Variants in NOL4L observed in about 807,000 individuals in gnomAD.
NOL4L encodes the protein nucleolar protein 4-like.
Under a neutral mutation model 64.5 loss-of-function variants are expected in NOL4L, and 7 were observed. The ratio of observed to expected loss-of-function variants is 0.11; its 90% CI spans 0.06 to 0.20. The LOEUF (loss-of-function observed/expected upper bound fraction) is 0.20. Among genes scored for constraint, NOL4L ranks in the 10% least tolerant of loss-of-function variants. The pLI is 1.00. For synonymous variants in NOL4L, 413 were observed against 401.0 expected, an observed-to-expected ratio of 1.03 and a Z score of -0.36; for missense variants, 680 against 967.1, an observed-to-expected ratio of 0.70 and a Z score of 3.94.
intron 5 of NOL4L, among the ~76,000 whole-genome samples, chr20:32,473,554 G>A (rs1248151207): frequency 6.6e-6 from 1 of 152,156 alleles, no homozygotes; most frequent in African/African-American, 2.4e-5. Context: ...ACCTCCAGCT[G>A]CCTCCAGACT....
intron 4 of NOL4L, among the ~76,000 whole-genome samples, chr20:32,478,546 G>A (rs890914620): frequency 3.9e-5 from 6 of 152,072 alleles, no homozygotes; most frequent in African/African-American, 1.4e-4. Flanking sequence ...CAGCCTCCAG[G>A]GTTCTGCCAT....
chr20:32,486,456 T>C (rs2016089165), intron 4 of NOL4L, among the ~76,000 whole-genome samples: 1 of 152,160 alleles, frequency 6.6e-6, no homozygotes, highest in Admixed American at 6.5e-5. Flanking sequence ...TGTAAACAGA[T>C]GATTAGGGTA....
intron 1 of NOL4L, among the ~76,000 whole-genome samples, chr20:32,540,142 C>T (rs777353414): frequency 5.9e-5 from 9 of 152,328 alleles, no homozygotes; most frequent in Admixed American, 2.6e-4. Context: ...CTGACCCCTT[C>T]GCCTCTGCAC....
chr20:32,488,951 TTTG>T (rs2016336264), intron 4 of NOL4L, among the ~76,000 whole-genome samples: 1 of 144,102 alleles, frequency 6.9e-6, no homozygotes, highest in Non-Finnish European at 1.5e-5. Flanking sequence ...CATTTCTCTA[TTTG>T]AATTGTTGGT....
At chr20:32,543,785 G>A (rs1365832586) in intron 1 of NOL4L, among the ~76,000 whole-genome samples, 1 of 151,668 alleles carries the variant, frequency 6.6e-6, no homozygotes, top group Non-Finnish European at 1.5e-5. Context: ...GGGAGACCTT[G>A]TCTCAGAAAA....
intron 4 of NOL4L, among the ~76,000 whole-genome samples, chr20:32,482,989 GCC>G (rs1319074822): frequency 6.6e-6 from 1 of 150,908 alleles, no homozygotes; most frequent in African/African-American, 2.4e-5. Context: ...CACAATCACC[GCC>G]CCCCAGGACC....
rs192254980 is a variant in NOL4L at position 32,514,656 on chromosome 20, C to T, written c.590-3200G>A. The stretch of plus-strand genomic sequence containing the variant: ...AAATGGGTTTCCACCCCACCGTCAA[C>T]CTAGATTTGACTTTCTTAACCTCAG... On this transcript the variant is annotated intron_variant, in intron 3 of 10. Coordinates refer to ENST00000621426, the MANE Select transcript of NOL4L (RefSeq NM_001256798.2). 2.7e-4 allele frequency among the ~76,000 whole-genome samples: 41 copies of T among 152,174 alleles called. No individual in the cohort carries two copies. In the East Asian group the frequency reaches 3.7e-3, roughly 14 times the overall value.
At chr20:32,470,319 G>A (rs1600690959) in intron 5 of NOL4L, among the ~76,000 whole-genome samples, 1 of 152,230 alleles carries the variant, frequency 6.6e-6, no homozygotes, top group South Asian at 2.1e-4. Context: ...CAGGAACCTG[G>A]GCCAGCCCCG....
chr20:32,453,991 G>A lies in NOL4L; in HGVS notation c.1120-230C>T, dbSNP rs546976576. The A allele has an allele frequency of 6.4e-5, 36 of 566,780 alleles. No individual in the cohort carries two copies. Among genetic ancestry groups the A allele is most frequent in the Non-Finnish European group, 1.1e-4 (34 of 315,196 alleles). The allele number at this position is 566,780 out of a possible 1,614,324, so 35.1% of individuals were successfully genotyped here. A position where few individuals can be genotyped will look rare whatever the true frequency, so the allele number is the denominator to read the frequency against. On this transcript the variant is annotated intron_variant, in intron 6 of 10. Coordinates refer to ENST00000621426, the MANE Select transcript of NOL4L (RefSeq NM_001256798.2). This position sits in a 1 kb window ranked among gnomAD's most constrained non-coding sequence, Gnocchi z 5.6. The stretch of plus-strand genomic sequence containing the variant: ...TCCCTGGGCTGCCGCAGGGAGGACC[G>A]ACTGCAATAGTGTATGCAGAGACCT...
At chr20:32,505,888 G>T (rs2017121643) in intron 4 of NOL4L, among the ~76,000 whole-genome samples, 1 of 152,158 alleles carries the variant, frequency 6.6e-6, no homozygotes, top group Non-Finnish European at 1.5e-5. Flanking sequence ...CTGGGGGAGG[G>T]GAGGAAGGGG....
intron 4 of NOL4L, among the ~76,000 whole-genome samples, chr20:32,479,248 G>A (rs1352626656): frequency 6.6e-6 from 1 of 152,238 alleles, no homozygotes; most frequent in East Asian, 1.9e-4. Context: ...AGTCCAGAGG[G>A]CCATGCTGGA....
rs375855101 is a variant in NOL4L at position 32,456,140 on chromosome 20, T to C, written c.1097A>G (p.Tyr366Cys). 5.8e-6 allele frequency: 9 copies of C among 1,550,646 alleles called. No homozygotes were observed. The highest frequency in any genetic ancestry group is 7.9e-6 in the Non-Finnish European group (9 of 1,145,340). Residue 366 changes from tyrosine to cysteine, a missense_variant, in exon 6 of 11, where the codon TAC (tyrosine) becomes TGC (cysteine). Tyr to Cys is a radical substitution (Grantham distance 194). Transcript: ENST00000621426. ...CACCTCGGGGGTGGTCTTCACCCCG[T>C]ATTTGACGCGGCTCCGCAGCCCGTC... ...GADGLRSRVK[Y>C]GVKTTPESPP...
rs570284285 is a variant in NOL4L, at chr20:32,443,382, G to A, written c.*4214C>T. On this transcript the variant is annotated 3_prime_UTR_variant, in exon 11 of 11. Coordinates refer to ENST00000621426, the MANE Select transcript of NOL4L (RefSeq NM_001256798.2). Reference sequence around the variant, plus strand: ...AATAATTTTTATAGAGAGCATTGAGGAGGAAGTCCTCACCTGCTTAGAAGA... The same window carrying A: ...AATAATTTTTATAGAGAGCATTGAGAAGGAAGTCCTCACCTGCTTAGAAGA... The A allele has an allele frequency of 1.2e-4, 18 of 152,314 alleles. No homozygotes were observed. The highest frequency in any genetic ancestry group is 2.0e-4 in the Admixed American group (3 of 15,302). The allele number at this position is 152,314 out of a possible 1,614,324, so 9.4% of individuals were successfully genotyped here. A position where few individuals can be genotyped will look rare whatever the true frequency, so the allele number is the denominator to read the frequency against.
Position 32,456,248 on chromosome 20 carries a change from T to A in NOL4L, c.989A>T (p.Asp330Val), listed in dbSNP as rs1301764564. The change falls in exon 6 of 11, where the codon GAT becomes GTT. Residue 330 changes from aspartate to valine, a missense_variant. This residue lies in a region of NOL4L where 254 missense variants were observed against 238.7 expected (regional missense o/e 1.06). Coordinates refer to ENST00000621426, the MANE Select transcript of NOL4L (RefSeq NM_001256798.2). Reference sequence around the variant, plus strand: ...CTTGTCACACAGGTTGATGGGCTGATCCTCGGCGGCCGTGGTGAAGTCCAT... The same window carrying A: ...CTTGTCACACAGGTTGATGGGCTGAACCTCGGCGGCCGTGGTGAAGTCCAT... The part of the protein sequence containing the change: ...APMDFTTAAE[D>V]QPINLCDKLP... 8 of 1,606,308 alleles carry A rather than the reference T, an allele frequency of 5.0e-6. No homozygotes were observed. In the East Asian group the frequency reaches 1.8e-4, roughly 36 times the overall value.
chr20:32,485,812 T>A (rs1263109158), intron 4 of NOL4L: 3 of 468,802 alleles, frequency 6.4e-6, no homozygotes, highest in African/African-American at 6.0e-5. Flanking sequence ...CCCCACCACA[T>A]TTTCAGAGAC....
chr20:32,501,508 C>T (rs2016919948), intron 4 of NOL4L, among the ~76,000 whole-genome samples: 1 of 152,288 alleles, frequency 6.6e-6, no homozygotes, highest in East Asian at 1.9e-4. Flanking sequence ...AAACTGTAGA[C>T]TTTACTTACA....
At chr20:32,520,672 C>T in intron 3 of NOL4L, 139 bp downstream of exon 3, 1 of 525,774 alleles carries the variant, frequency 1.9e-6, no homozygotes, top group Non-Finnish European at 3.4e-6. Flanking sequence ...TGGGCAGCAC[C>T]ACGGACCCAT....
intron 10 of NOL4L, among the ~76,000 whole-genome samples, chr20:32,450,998 G>T (rs1471161048): frequency 1.3e-5 from 2 of 152,164 alleles, no homozygotes; most frequent in African/African-American, 4.8e-5. Flanking sequence ...GGGTGGCGGG[G>T]GTCAAGGCGA....
chr20:32,486,828 A>T (rs1164089159), intron 4 of NOL4L: 1 of 466,316 alleles, frequency 2.1e-6, no homozygotes, highest in Non-Finnish European at 4.4e-6. Context: ...CACTTGAGCC[A>T]TGTGCTCCCC....
Sources: allele counts gnomAD v4.1 joint callset (sites outside exome capture counted in the v4.1 genomes callset), GRCh38; gene constraint gnomAD v4.1.1; regional missense constraint gnomAD v4.1.1; non-coding constraint Gnocchi (gnomAD v3.1); transcripts MANE v1.5; gene names NCBI Gene and HGNC (gene_info 2026-07-23, HGNC 2026-07-21).